The following MAGI2 variants were observed in gnomAD, a reference collection of about 807,000 sequenced individuals.
MAGI2 encodes membrane associated guanylate kinase, WW and PDZ domain containing 2, also known as membrane-associated guanylate kinase, WW and PDZ domain-containing protein 2.
MAGI2 carries 35 observed loss-of-function variants against 133.3 expected under a neutral mutation model. That is an observed-to-expected ratio of 0.26 (90% CI 0.20 to 0.35). The LOEUF (loss-of-function observed/expected upper bound fraction) is 0.35, where lower values mean the gene tolerates loss of function less well. MAGI2 is among the 10% of genes least tolerant of loss of function. MAGI2 has a pLI of 1.00. For missense variants in MAGI2, 1,636 were observed against 1,863.4 expected (o/e 0.88, Z 2.25); for synonymous variants, 729 against 710.6 (o/e 1.03, Z -0.41).
At chr7:78,983,490 C>T (rs945087987) in intron 2 of MAGI2, among the ~76,000 whole-genome samples, 7 of 151,822 alleles carry the variant, frequency 4.6e-5, no homozygotes, top group African/African-American at 1.7e-4. Context: ...TACTTTTTCT[C>T]TCTACAATCT....
chr7:78,288,693 A>G (rs992519645), intron 9 of MAGI2, among the ~76,000 whole-genome samples: 13 of 152,244 alleles, frequency 8.5e-5, no homozygotes, highest in Middle Eastern at 3.2e-3. Flanking sequence ...ACTAGGAGGC[A>G]TCTCCCAGTA....
intron 2 of MAGI2, among the ~76,000 whole-genome samples, chr7:78,664,596 T>G (rs911455621): frequency 3.9e-5 from 6 of 151,984 alleles, no homozygotes; most frequent in Admixed American, 1.3e-4. Context: ...ATCATTAGCA[T>G]TCAAATTATC....
At chr7:78,059,821 A>G (rs376295148) in intron 21 of MAGI2, among the ~76,000 whole-genome samples, 8 of 151,150 alleles carry the variant, frequency 5.3e-5, no homozygotes, top group African/African-American at 1.7e-4. Flanking sequence ...TGGCTGACAT[A>G]TAAGAGGCAA....
chr7:79,305,615 TA>T (rs1274624017), intron 1 of MAGI2, among the ~76,000 whole-genome samples: 13 of 152,148 alleles, frequency 8.5e-5, no homozygotes, highest in Non-Finnish European at 1.8e-4. Flanking sequence ...AATAATTATT[TA>T]AAAAGGGATC....
At chr7:78,332,912 T>G (rs189719151) in intron 9 of MAGI2, among the ~76,000 whole-genome samples, 60 of 152,328 alleles carry the variant, frequency 3.9e-4, no homozygotes, top group African/African-American at 1.4e-3. Flanking sequence ...TTATTTCTTT[T>G]CTACTGGAAG....
chr7:78,392,336 G>C (rs1244317579), intron 6 of MAGI2, among the ~76,000 whole-genome samples: 2 of 152,292 alleles, frequency 1.3e-5, no homozygotes, highest in African/African-American at 4.8e-5. Context: ...GCTGTTAGGG[G>C]AAATTGATGA....
intron 1 of MAGI2, among the ~76,000 whole-genome samples, chr7:79,347,215 T>G (rs566748305): frequency 2.6e-5 from 4 of 152,116 alleles, no homozygotes; most frequent in African/African-American, 7.2e-5. Flanking sequence ...CTTTCTGTCA[T>G]GTCGACGTCT....
chr7:78,349,918 G>C (rs1435545636), intron 7 of MAGI2, among the ~76,000 whole-genome samples: 4 of 152,148 alleles, frequency 2.6e-5, no homozygotes, highest in Non-Finnish European at 5.9e-5. Flanking sequence ...CCTTCTCATT[G>C]TTTAGGCTCT....
intron 1 of MAGI2, among the ~76,000 whole-genome samples, chr7:79,018,739 G>A (rs572063630): frequency 1.4e-4 from 21 of 152,276 alleles, no homozygotes; most frequent in Non-Finnish European, 2.5e-4. Context: ...AAAAGCAGAG[G>A]TTGCTATTCT....
At chr7:78,843,022 A>G (rs1013956006) in intron 2 of MAGI2, among the ~76,000 whole-genome samples, 5 of 151,946 alleles carry the variant, frequency 3.3e-5, no homozygotes, top group African/African-American at 1.2e-4. Context: ...AGTTAATGAA[A>G]TGATTGATGG....
chr7:78,155,150 A>G (rs1171701905), intron 16 of MAGI2, among the ~76,000 whole-genome samples: 1 of 152,250 alleles, frequency 6.6e-6, no homozygotes, highest in Non-Finnish European at 1.5e-5. Flanking sequence ...AATCTTTTTA[A>G]GAATTTAAAG....
At chr7:78,926,670 A>G (rs956210852) in intron 2 of MAGI2, among the ~76,000 whole-genome samples, 2 of 152,038 alleles carry the variant, frequency 1.3e-5, no homozygotes, top group Non-Finnish European at 2.9e-5. Flanking sequence ...TCAAATTTTT[A>G]TGGAATGAGG....
intron 2 of MAGI2, among the ~76,000 whole-genome samples, chr7:78,817,714 C>CTT (rs35369022): frequency 4.7e-4 from 68 of 144,222 alleles, no homozygotes; most frequent in Non-Finnish European, 7.8e-4. Context: ...ATAGTGTAAA[C>CTT]TTTTTTTTTT....
At chr7:78,979,679 A>C (rs1368030994) in intron 2 of MAGI2, among the ~76,000 whole-genome samples, 4 of 151,778 alleles carry the variant, frequency 2.6e-5, no homozygotes, top group Admixed American at 6.6e-5. Context: ...CATGGTGTGC[A>C]GTGTCCTTTG....
intron 1 of MAGI2, among the ~76,000 whole-genome samples, chr7:79,299,637 T>C (rs1352641874): frequency 6.7e-6 from 1 of 150,048 alleles, no homozygotes; most frequent in Non-Finnish European, 1.5e-5. Context: ...ATATTTCAAA[T>C]CGGTTGGCAA....
chr7:78,990,059 A>G (rs146149321), intron 2 of MAGI2, among the ~76,000 whole-genome samples: 2 of 152,052 alleles, frequency 1.3e-5, no homozygotes, highest in Non-Finnish European at 2.9e-5. Context: ...CTACATAAGG[A>G]CTTGTAACAA....
chr7:78,641,256 C>A (rs1316385298), intron 2 of MAGI2, among the ~76,000 whole-genome samples: 1 of 152,076 alleles, frequency 6.6e-6, no homozygotes, highest in East Asian at 1.9e-4. Flanking sequence ...TATGTTTAAC[C>A]TCCTGGAAAA....
intron 3 of MAGI2, among the ~76,000 whole-genome samples, chr7:78,551,220 G>C (rs562528238): frequency 5.3e-5 from 8 of 152,306 alleles, no homozygotes; most frequent in African/African-American, 1.9e-4. Flanking sequence ...CCACCTTGCA[G>C]TGTTCATTAG....
chr7:79,365,949 GAA>G (rs113246725), intron 1 of MAGI2, among the ~76,000 whole-genome samples: 8 of 139,790 alleles, frequency 5.7e-5, no homozygotes, highest in Admixed American at 2.2e-4. Flanking sequence ...TAGGTTGAGT[GAA>G]AAAAAAAAAA....
Sources: gnomAD v4.1 joint callset for allele counts (sites outside exome capture counted in the v4.1 genomes callset) on GRCh38, gnomAD v4.1.1 for gene constraint, MANE v1.5 for transcripts, NCBI Gene and HGNC (gene_info 2026-07-23, HGNC 2026-07-21) for gene names.